The following PARD3B variants were observed in gnomAD, a reference collection of about 807,000 sequenced individuals.
PARD3B encodes the protein par-3 family cell polarity regulator beta.
In PARD3B, 103 loss-of-function variants were observed where a neutral mutation model predicts 130.2. That is an observed-to-expected ratio of 0.79 (90% CI 0.67 to 0.93). PARD3B has a LOEUF of 0.93. Among genes scored for constraint, PARD3B ranks in the 40% least tolerant of loss-of-function variants. The probability of loss-of-function intolerance (pLI) is 0.00; values close to 1 mark genes in which losing one functional copy is unlikely to be tolerated. For missense variants in PARD3B, 1,609 were observed against 1,499.2 expected (o/e 1.07, Z -1.21); for synonymous variants, 583 against 553.2 (o/e 1.05, Z -0.76).
chr2:205,046,298 C>T (rs1007831957), intron 3 of PARD3B, among the ~76,000 whole-genome samples: 23 of 151,188 alleles, frequency 1.5e-4, no homozygotes, highest in Admixed American at 3.3e-4. Context: ...AATTGCCAAC[C>T]GTACAATTAT....
chr2:205,481,808 G>A (rs889383087), intron 20 of PARD3B, among the ~76,000 whole-genome samples: 2 of 152,190 alleles, frequency 1.3e-5, no homozygotes, highest in East Asian at 1.9e-4. Context: ...TCCAGAGCCT[G>A]GGCTCTAATG....
At chr2:204,753,710 C>G (rs1215329553) in intron 2 of PARD3B, among the ~76,000 whole-genome samples, 1 of 151,956 alleles carries the variant, frequency 6.6e-6, no homozygotes, top group Non-Finnish European at 1.5e-5. Flanking sequence ...CTGTGGAAGC[C>G]TTTGATTCTC....
chr2:204,597,911 C>G (rs1474790283), intron 1 of PARD3B, among the ~76,000 whole-genome samples: 1 of 152,206 alleles, frequency 6.6e-6, no homozygotes, highest in Non-Finnish European at 1.5e-5. Flanking sequence ...AAAGAAATCA[C>G]TGTACCTTTG....
intron 20 of PARD3B, among the ~76,000 whole-genome samples, chr2:205,478,126 A>G (rs549658555): frequency 6.6e-6 from 1 of 152,192 alleles, no homozygotes; most frequent in Non-Finnish European, 1.5e-5. Context: ...ACAAAGTATT[A>G]ATTCACGTGC....
chr2:204,643,162 C>T (rs1013556775), intron 1 of PARD3B, among the ~76,000 whole-genome samples: 1 of 137,866 alleles, frequency 7.3e-6, no homozygotes, highest in Non-Finnish European at 1.6e-5. Context: ...ACTTTGCTGT[C>T]TCTCTCCTGC....
At chr2:204,772,854 G>A (rs1010831983) in intron 2 of PARD3B, among the ~76,000 whole-genome samples, 1 of 151,942 alleles carries the variant, frequency 6.6e-6, no homozygotes, top group South Asian at 2.1e-4. Context: ...ATAAGTAAAT[G>A]AGTGTATGCT....
chr2:204,782,675 TA>T (rs1394606659), intron 2 of PARD3B, among the ~76,000 whole-genome samples: 1 of 151,886 alleles, frequency 6.6e-6, no homozygotes, highest in African/African-American at 2.4e-5. Context: ...ACCAGCCATA[TA>T]AAAATGAAAT....
chr2:205,429,524 A>G (rs2047257223), intron 19 of PARD3B, among the ~76,000 whole-genome samples: 3 of 152,216 alleles, frequency 2.0e-5, no homozygotes, highest in Admixed American at 2.0e-4. Flanking sequence ...AAACATTGAT[A>G]GGGGAACTTT....
chr2:205,133,239 G>C (rs2032174896), intron 10 of PARD3B, among the ~76,000 whole-genome samples: 1 of 152,144 alleles, frequency 6.6e-6, no homozygotes, highest in African/African-American at 2.4e-5. Flanking sequence ...AGACATATGA[G>C]AGCCATAAGT....
At chr2:205,130,487 TAG>T (rs770720501) in intron 10 of PARD3B, among the ~76,000 whole-genome samples, 5 of 152,190 alleles carry the variant, frequency 3.3e-5, no homozygotes, top group African/African-American at 4.8e-5. Flanking sequence ...CTTTAAGAGC[TAG>T]AGAGAGAAGG....
At chr2:204,790,941 CTAA>C (rs372493118) in intron 2 of PARD3B, among the ~76,000 whole-genome samples, 7 of 151,974 alleles carry the variant, frequency 4.6e-5, no homozygotes, top group African/African-American at 1.7e-4. Context: ...CCTGTCTCTA[CTAA>C]TAATACAAAA....
Position 205,176,365 on chromosome 2 carries a change from A to G in PARD3B, c.1792-80A>G, listed in dbSNP as rs539403431. ...CTCTTGAAAGACTATTCATACAGCG[A>G]TCATTCTTTCACTTTGCTTCAACTG... On this transcript the variant is annotated intron_variant, in intron 12 of 22. Transcript: ENST00000406610. The surrounding 1 kb of genome is among the most constrained non-coding windows in gnomAD (Gnocchi z 5.3). The G allele has an allele frequency of 1.5e-6, 2 of 1,361,862 alleles. No homozygotes were observed. Among genetic ancestry groups the G allele is most frequent in the South Asian group, 2.9e-5 (2 of 69,362 alleles). The allele number at this position is 1,361,862 out of a possible 1,614,324, so 84.4% of individuals were successfully genotyped here. A position where few individuals can be genotyped will look rare whatever the true frequency, so the allele number is the denominator to read the frequency against.
At chr2:204,674,013 T>C (rs1056880879) in intron 1 of PARD3B, among the ~76,000 whole-genome samples, 21 of 152,118 alleles carry the variant, frequency 1.4e-4, no homozygotes, top group African/African-American at 4.3e-4. Flanking sequence ...GCTTTCTCTG[T>C]TATACCCTGA....
intron 2 of PARD3B, among the ~76,000 whole-genome samples, chr2:204,952,202 C>T (rs1355769646): frequency 6.6e-6 from 1 of 152,072 alleles, no homozygotes; most frequent in African/African-American, 2.4e-5. Context: ...ATGATAGACA[C>T]TTGGATTATG....
At chr2:204,817,707 C>T (rs1209162628) in intron 2 of PARD3B, among the ~76,000 whole-genome samples, 1 of 152,132 alleles carries the variant, frequency 6.6e-6, no homozygotes, top group Non-Finnish European at 1.5e-5. Context: ...ACTCTTCAAA[C>T]TCTCAGCTTC....
chr2:204,567,762 A>G (rs1410896353), intron 1 of PARD3B, among the ~76,000 whole-genome samples: 2 of 152,162 alleles, frequency 1.3e-5, no homozygotes, highest in Admixed American at 6.5e-5. Context: ...TAGTAATTCT[A>G]TGTTTTATTT....
intron 20 of PARD3B, among the ~76,000 whole-genome samples, chr2:205,478,009 A>T (rs533448323): frequency 6.6e-5 from 10 of 152,234 alleles, no homozygotes; most frequent in Admixed American, 1.3e-4. Context: ...ACACGGAGCA[A>T]GGAGAGGTTT....
intron 3 of PARD3B, among the ~76,000 whole-genome samples, chr2:204,998,983 C>G (rs1323741360): frequency 1.3e-5 from 2 of 152,154 alleles, no homozygotes; most frequent in Non-Finnish European, 2.9e-5. Context: ...GCGTGAGGCA[C>G]CATGCCTGGC....
intron 3 of PARD3B, among the ~76,000 whole-genome samples, chr2:204,998,396 G>GTATATATGTGTA (rs1224831068): frequency 1.7e-5 from 1 of 59,092 alleles, no homozygotes; most frequent in African/African-American, 8.4e-5. Context: ...GTGTATATAT[G>GTATATATGTGTA]TATATATGTG....
Sources: gnomAD v4.1 joint callset for allele counts (sites outside exome capture counted in the v4.1 genomes callset) on GRCh38, gnomAD v4.1.1 for gene constraint, Gnocchi (gnomAD v3.1) non-coding constraint, MANE v1.5 for transcripts, NCBI Gene and HGNC (gene_info 2026-07-23, HGNC 2026-07-21) for gene names.